ARL13B: variants seen among roughly 807,000 people sequenced by gnomAD.
The protein encoded by ARL13B is ARF like GTPase 13B.
In ARL13B, 36 loss-of-function variants were observed where a neutral mutation model predicts 56.1. That is an observed-to-expected ratio of 0.64 (90% CI 0.49 to 0.85). ARL13B has a LOEUF of 0.85. Among genes scored for constraint, ARL13B ranks in the 40% least tolerant of loss-of-function variants. The pLI is 0.00. For synonymous variants in ARL13B, 178 were observed against 171.1 expected (o/e 1.04, Z -0.32); for missense variants, 519 against 507.1 (o/e 1.02, Z -0.23).
intron 3 of ARL13B, among the ~76,000 whole-genome samples, chr3:94,027,015 T>C (rs73156362): frequency 5.9e-4 from 90 of 152,234 alleles, no homozygotes; most frequent in Non-Finnish European, 1.1e-3. Flanking sequence ...GAGTAAAAAT[T>C]ACCTTGTACT....
chr3:94,013,992 T>C (rs2076273640), intron 3 of ARL13B, among the ~76,000 whole-genome samples: 1 of 152,230 alleles, frequency 6.6e-6, no homozygotes. Context: ...TTTAGCTTTA[T>C]TGTAGCATGA....
chr3:94,012,268 T>C (rs1011614903), intron 3 of ARL13B, among the ~76,000 whole-genome samples: 3 of 152,156 alleles, frequency 2.0e-5, no homozygotes, highest in Non-Finnish European at 2.9e-5. Flanking sequence ...CCTACTGATA[T>C]AGCTAATATC....
intron 9 of ARL13B, 55 bp downstream of exon 9, chr3:94,050,947 T>C: frequency 6.6e-7 from 1 of 1,519,492 alleles, no homozygotes; most frequent in East Asian, 2.3e-5. Context: ...CATTCACTTT[T>C]CTTTAGCCTT....
intron 2 of ARL13B, among the ~76,000 whole-genome samples, chr3:94,002,956 C>A (rs948317310): frequency 3.9e-5 from 6 of 152,146 alleles, no homozygotes; most frequent in Admixed American, 6.6e-5. Flanking sequence ...CCAATGAGGT[C>A]TTTTAAGATC....
At chr3:93,993,812 G>A (rs902759542) in intron 1 of ARL13B, among the ~76,000 whole-genome samples, 2 of 152,140 alleles carry the variant, frequency 1.3e-5, no homozygotes, top group African/African-American at 4.8e-5. Context: ...GATAAAGCAG[G>A]TACATTTCCA....
intron 1 of ARL13B, among the ~76,000 whole-genome samples, chr3:93,983,836 T>G (rs910884024): frequency 6.6e-6 from 1 of 152,154 alleles, no homozygotes; most frequent in African/African-American, 2.4e-5. Context: ...TTCTCTGTAG[T>G]ACAATTGACA....
At chr3:94,049,843 C>T (rs2077042035) in intron 8 of ARL13B, among the ~76,000 whole-genome samples, 1 of 151,800 alleles carries the variant, frequency 6.6e-6, no homozygotes, top group African/African-American at 2.4e-5. Flanking sequence ...CGATGGATGG[C>T]TAACATGAGT....
intron 3 of ARL13B, chr3:94,014,281 A>G (rs2076280765): frequency 1.1e-6 from 1 of 949,108 alleles, no homozygotes; most frequent in Non-Finnish European, 1.5e-6. Context: ...AACAGTGATG[A>G]AAGGTATGTG....
At chr3:94,052,181 A>T (rs1158001193) in intron 9 of ARL13B, among the ~76,000 whole-genome samples, 1 of 152,190 alleles carries the variant, frequency 6.6e-6, no homozygotes, top group African/African-American at 2.4e-5. Context: ...ACACATACAT[A>T]TGAAGAAAAA....
intron 1 of ARL13B, among the ~76,000 whole-genome samples, chr3:93,980,836 A>G (rs1357605224): frequency 6.6e-6 from 1 of 152,096 alleles, no homozygotes; most frequent in Non-Finnish European, 1.5e-5. Context: ...AGAGGGGGAC[A>G]TGGAATATAG....
chr3:93,996,508 G>A, intron 2 of ARL13B: 1 of 265,808 alleles, frequency 3.8e-6, no homozygotes, highest in Non-Finnish European at 7.8e-6. Context: ...TTGAATGCTG[G>A]CTAGTCTTCT....
At position 94,014,353 on chromosome 3, in the gene ARL13B, G is replaced by A. The variant is rs756153848; in HGVS notation, c.380+10445G>A. ...ACTGAAATATAAGCTATCTTTTACC[G>A]TAAAGCTGGAAAAAGTTTTAAAATA... On this transcript the variant is annotated intron_variant, in intron 3 of 9. Transcript: ENST00000394222. 97 of 1,492,946 alleles carry A rather than the reference G, an allele frequency of 6.5e-5. 1 individual carries two copies. The Admixed American group carries it at 7.3e-4, about 11-fold the overall frequency. The allele number at this position is 1,492,946 out of a possible 1,614,324, so 92.5% of individuals were successfully genotyped here. A position where few individuals can be genotyped will look rare whatever the true frequency, so the allele number is the denominator to read the frequency against.
chr3:94,045,720 T>C (rs950342319), intron 7 of ARL13B, among the ~76,000 whole-genome samples: 4 of 151,690 alleles, frequency 2.6e-5, no homozygotes, highest in Non-Finnish European at 4.4e-5. Flanking sequence ...CCCGACACTT[T>C]GGGAGGCTGA....
intron 9 of ARL13B, 52 bp from the exon 10 acceptor site, chr3:94,053,135 A>G: frequency 2.8e-6 from 4 of 1,440,618 alleles, no homozygotes; most frequent in Non-Finnish European, 3.9e-6. Flanking sequence ...TGTGTCAAAA[A>G]TCTTGATGTA....
intron 2 of ARL13B, among the ~76,000 whole-genome samples, chr3:94,002,174 T>C (rs2076066291): frequency 6.6e-6 from 1 of 152,166 alleles, no homozygotes; most frequent in Non-Finnish European, 1.5e-5. Context: ...TGTTGTTCAG[T>C]AGAACTTTCT....
intron 3 of ARL13B, among the ~76,000 whole-genome samples, chr3:94,032,426 G>A (rs962313355): frequency 6.6e-6 from 1 of 152,008 alleles, no homozygotes; most frequent in Non-Finnish European, 1.5e-5. Context: ...AGATTGTGTA[G>A]CAAAAGGAAT....
intron 2 of ARL13B, among the ~76,000 whole-genome samples, chr3:93,998,968 T>A (rs997299326): frequency 2.6e-5 from 4 of 151,524 alleles, no homozygotes; most frequent in African/African-American, 9.7e-5. Context: ...GAAAAAGTTA[T>A]CTGCTAGTTT....
chr3:94,011,111 A>C (rs1272081994), intron 3 of ARL13B, among the ~76,000 whole-genome samples: 1 of 152,122 alleles, frequency 6.6e-6, no homozygotes, highest in Non-Finnish European at 1.5e-5. Flanking sequence ...ATTTTGTGAT[A>C]TTTTATAAAT....
chr3:94,040,125 A>T (rs987652869), intron 6 of ARL13B, 137 bp downstream of exon 6: 2 of 751,408 alleles, frequency 2.7e-6, no homozygotes, highest in African/African-American at 3.5e-5. Flanking sequence ...GAAATTAAAC[A>T]TGAGAGACTG....
Sources: gnomAD v4.1 joint callset for allele counts (sites outside exome capture counted in the v4.1 genomes callset) on GRCh38, gnomAD v4.1.1 for gene constraint, MANE v1.5 for transcripts, NCBI Gene and HGNC (gene_info 2026-07-23, HGNC 2026-07-21) for gene names.